Variants in PCDH9 observed in about 807,000 individuals in gnomAD.
The protein encoded by PCDH9 is protocadherin 9, also known as protocadherin-9.
PCDH9 carries 24 observed loss-of-function variants against 70.6 expected under a neutral mutation model. The ratio of observed to expected loss-of-function variants is 0.34; its 90% CI spans 0.25 to 0.48. The LOEUF (loss-of-function observed/expected upper bound fraction) is 0.48, where lower values mean the gene tolerates loss of function less well. Among genes scored for constraint, PCDH9 ranks in the 20% least tolerant of loss-of-function variants. PCDH9 has a pLI of 0.99. For missense variants in PCDH9, 1,281 were observed against 1,503.6 expected, an observed-to-expected ratio of 0.85 and a Z score of 2.45; for synonymous variants, 562 against 558.5, an observed-to-expected ratio of 1.01 and a Z score of -0.09.
intron 3 of PCDH9, among the ~76,000 whole-genome samples, chr13:66,686,032 T>C (rs2078396375): frequency 6.6e-6 from 1 of 152,166 alleles, no homozygotes; most frequent in Non-Finnish European, 1.5e-5. Flanking sequence ...GCTAAGACTT[T>C]GGGGAACTGT....
chr13:66,988,477 T>A (rs986791707), intron 2 of PCDH9, among the ~76,000 whole-genome samples: 1 of 151,972 alleles, frequency 6.6e-6, no homozygotes. Flanking sequence ...CTAAGAGAAG[T>A]TGGACAAGGT....
chr13:66,698,409 C>T (rs950668552), intron 3 of PCDH9, among the ~76,000 whole-genome samples: 14 of 152,128 alleles, frequency 9.2e-5, no homozygotes, highest in African/African-American at 3.1e-4. Flanking sequence ...TTTGAATTCT[C>T]TTTAATTTTT....
intron 4 of PCDH9, among the ~76,000 whole-genome samples, chr13:66,319,524 A>C (rs1265091447): frequency 6.6e-6 from 1 of 151,984 alleles, no homozygotes; most frequent in East Asian, 1.9e-4. Context: ...ATGGCACTCA[A>C]AGGTATTAAT....
intron 4 of PCDH9, among the ~76,000 whole-genome samples, chr13:66,617,328 A>G (rs556081261): frequency 6.6e-6 from 1 of 152,196 alleles, no homozygotes; most frequent in Admixed American, 6.5e-5. Context: ...AGAACCACGG[A>G]TGCCTGCTAC....
intron 2 of PCDH9, among the ~76,000 whole-genome samples, chr13:67,187,524 A>G (rs1441152121): frequency 6.6e-6 from 1 of 152,324 alleles, no homozygotes; most frequent in African/African-American, 2.4e-5. Context: ...CTAAAATACA[A>G]CTGATCAACT....
chr13:66,542,467 A>G (rs1157901543), intron 4 of PCDH9, among the ~76,000 whole-genome samples: 1 of 151,880 alleles, frequency 6.6e-6, no homozygotes, highest in Non-Finnish European at 1.5e-5. Context: ...GGGCCTTAAA[A>G]TCAAAAAACT....
intron 2 of PCDH9, among the ~76,000 whole-genome samples, chr13:67,146,875 G>A (rs756465977): frequency 3.3e-5 from 5 of 152,088 alleles, no homozygotes; most frequent in Non-Finnish European, 7.4e-5. Context: ...AAATATTGAA[G>A]TTTTCTTCCT....
chr13:66,953,954 C>T (rs763614313), intron 2 of PCDH9, among the ~76,000 whole-genome samples: 4 of 152,106 alleles, frequency 2.6e-5, no homozygotes, highest in African/African-American at 4.8e-5. Context: ...AGTAGTTTTG[C>T]AGTTCAGGAA....
chr13:66,723,385 G>A (rs886936795), intron 3 of PCDH9, among the ~76,000 whole-genome samples: 31 of 152,056 alleles, frequency 2.0e-4, no homozygotes, highest in Admixed American at 1.6e-3. Context: ...TAAATTTTCA[G>A]AATAAAATTT....
intron 2 of PCDH9, among the ~76,000 whole-genome samples, chr13:66,929,134 A>G (rs1422660067): frequency 4.6e-5 from 7 of 152,086 alleles, no homozygotes; most frequent in Non-Finnish European, 8.8e-5. Context: ...AAAATTATAC[A>G]CAAAAACATA....
Position 66,929,984 on chromosome 13 carries a change from G to A in PCDH9, c.3037-26379C>T, listed in dbSNP as rs182564845. Among the ~76,000 whole-genome samples, 649 of 152,110 alleles carry A rather than the reference G, an allele frequency of 4.3e-3. 2 individuals are homozygous for A. Among genetic ancestry groups the A allele is most frequent in the Middle Eastern group, 6.8e-3 (2 of 294 alleles). On this transcript the variant is annotated intron_variant, in intron 2 of 4. Transcript: ENST00000377865. ...TCATACTACCAGTTGGTAGTTATCC[G>A]GTTAAACAGAGAATTTTATCTCTGC...
At position 66,706,982 on chromosome 13, in the gene PCDH9, G is replaced by A. The variant is rs191188124; in HGVS notation, c.3139-75571C>T. ...ACAGATGTAGGGACACCGGGCTGGG[G>A]ACAAAGCTTTGAGCCAAAGGTAAAG... is the stretch of plus-strand genomic sequence containing the variant. On this transcript the variant is annotated intron_variant, in intron 3 of 4. Transcript: ENST00000377865. Among the ~76,000 whole-genome samples, 694 of 152,272 alleles carry A rather than the reference G, an allele frequency of 4.6e-3. 6 individuals are homozygous for A. Among genetic ancestry groups the A allele is most frequent in the Middle Eastern group, 0.014 (4 of 294 alleles).
intron 2 of PCDH9, among the ~76,000 whole-genome samples, chr13:67,003,601 G>A (rs535788519): frequency 5.5e-4 from 83 of 152,206 alleles, no homozygotes; most frequent in South Asian, 5.2e-3. Context: ...GACTTTGAAT[G>A]TACCTGGAAA....
chr13:66,942,449 G>GA lies in PCDH9; in HGVS notation c.3037-38845dup, dbSNP rs557531345. Among the ~76,000 whole-genome samples, 6 of 151,568 alleles carry GA rather than the reference G, an allele frequency of 4.0e-5. No individual in the cohort carries two copies. In the South Asian group the frequency reaches 1.2e-3, roughly 31 times the overall value. ...AAAAACCTCTACCCATGTTGATCAA[G>GA]AAAAAAACAAAGAAATGTTCCAATA... On this transcript the variant is annotated intron_variant, in intron 2 of 4. Transcript: ENST00000377865.
At position 66,304,903 on chromosome 13, in the gene PCDH9, A is replaced by G. The variant is rs1030292855; in HGVS notation, c.3466T>C (p.Ser1156Pro). The change falls in exon 5 of 5, where the codon TCT (serine) becomes CCT (proline). Residue 1156 changes from serine to proline, a missense_variant. By Grantham distance (74) the Ser-to-Pro change is moderately conservative. Transcript: ENST00000377865. ...TGGGGTGCAAAGGTTGAGAGAGGAG[A>G]TTTGGGGTGTTGATATGGACCCAAG... ...PGLGPYQHPK[S>P]PLSTFAPQKE... 1.5e-5 allele frequency: 24 copies of G among 1,613,288 alleles called. No homozygotes were observed. Among genetic ancestry groups the G allele is most frequent in the Admixed American group, 6.7e-5 (4 of 59,862 alleles).
intron 3 of PCDH9, among the ~76,000 whole-genome samples, chr13:66,632,958 C>A (rs1366164871): frequency 6.6e-6 from 1 of 151,956 alleles, no homozygotes; most frequent in Non-Finnish European, 1.5e-5. Flanking sequence ...TAGATTGTAT[C>A]CATTTCAAAG....
At chr13:66,685,527 C>T (rs1286469895) in intron 3 of PCDH9, among the ~76,000 whole-genome samples, 1 of 152,142 alleles carries the variant, frequency 6.6e-6, no homozygotes, top group African/African-American at 2.4e-5. Flanking sequence ...GGTTGGAGCC[C>T]CCACACAGAG....
At position 67,225,719 on chromosome 13, in the gene PCDH9, C is replaced by G. The variant is rs1296086275; in HGVS notation, c.2722G>C (p.Ala908Pro). The G allele has an allele frequency of 6.2e-7, 1 of 1,614,128 alleles. No homozygotes were observed. Among genetic ancestry groups the G allele is most frequent in the Admixed American group, 1.7e-5 (1 of 60,022 alleles). The change falls in exon 2 of 5, where the codon GCT (alanine) becomes CCT (proline). Residue 908 changes from alanine (A) to proline (P), a missense_variant. Physicochemically the swap from Ala to Pro is conservative, Grantham distance 27 (BLOSUM62 -1). This residue lies in a region of PCDH9 where 207 missense variants were observed against 191.8 expected (regional missense o/e 1.08). Transcript: ENST00000377865. ...CCTATACTTTGCTCCTCCAGTTCAG[C>G]CGGCAGGCTTATTGTCCCATTGATA... ...EPINGTISLPAELEEQSIGRF... is the reference protein window; with the variant it reads ...EPINGTISLPPELEEQSIGRF...
intron 3 of PCDH9, among the ~76,000 whole-genome samples, chr13:66,736,717 T>C (rs373156253): frequency 1.3e-4 from 20 of 152,242 alleles, no homozygotes; most frequent in African/African-American, 4.3e-4. Context: ...TTTCATAATA[T>C]GAATAGGTAA....
Sources: allele counts gnomAD v4.1 joint callset (sites outside exome capture counted in the v4.1 genomes callset), GRCh38; gene constraint gnomAD v4.1.1; regional missense constraint gnomAD v4.1.1; transcripts MANE v1.5; gene names NCBI Gene and HGNC (gene_info 2026-07-23, HGNC 2026-07-21).